ZC3H13: variants seen among roughly 807,000 people sequenced by gnomAD.
The protein encoded by ZC3H13 is zinc finger CCCH domain-containing protein 13.
A neutral mutation model predicts 204.1 loss-of-function variants in ZC3H13; 64 were observed. The ratio of observed to expected loss-of-function variants is 0.31; its 90% CI spans 0.26 to 0.39. The LOEUF is 0.39. Ranked by LOEUF, ZC3H13 falls within the 10% of genes least tolerant of loss-of-function variation. The probability of loss-of-function intolerance (pLI) is 1.00; values close to 1 mark genes in which losing one functional copy is unlikely to be tolerated. For synonymous variants in ZC3H13, 667 were observed against 693.7 expected, an observed-to-expected ratio of 0.96 and a Z score of 0.60; for missense variants, 1,833 against 2,082.7, an observed-to-expected ratio of 0.88 and a Z score of 2.33.
At position 45,975,685 on chromosome 13, in the gene ZC3H13, C is replaced by T. The variant is rs749159735; in HGVS notation, c.2066G>A (p.Arg689Gln). ...RDRERERDRE[R>Q]ERERERERDR... ...CCGTTCACGTTCCCTCTCTCTCTCCCGCTCCCTGTCTCGTTCTCGTTCCCG... is the reference window on the plus strand; with the variant it reads ...CCGTTCACGTTCCCTCTCTCTCTCCTGCTCCCTGTCTCGTTCTCGTTCCCG... The change falls in exon 12 of 19, where the codon CGG (arginine) becomes CAG (glutamine). Residue 689 changes from arginine to glutamine, a missense_variant. Around this residue, in one of 5 missense-constraint regions of ZC3H13, gnomAD observed 1,574 missense variants for 1,757.2 expected, o/e 0.90. Transcript: ENST00000679008. The T allele has an allele frequency of 1.1e-5, 17 of 1,612,446 alleles. No homozygotes were observed. The highest frequency in any genetic ancestry group is 6.7e-5 in the East Asian group (3 of 44,780).
intron 11 of ZC3H13, among the ~76,000 whole-genome samples, chr13:45,978,680 T>C (rs1250980519): frequency 1.3e-5 from 2 of 151,954 alleles, no homozygotes; most frequent in Non-Finnish European, 2.9e-5. Context: ...AATGTTACTA[T>C]TGAATTCAGG....
chr13:46,018,881 G>A (rs1004547295), intron 5 of ZC3H13, among the ~76,000 whole-genome samples: 15 of 152,082 alleles, frequency 9.9e-5, no homozygotes, highest in African/African-American at 3.6e-4. Flanking sequence ...AAGGATGCTT[G>A]GGTGTGTTAA....
intron 10 of ZC3H13, among the ~76,000 whole-genome samples, chr13:45,981,496 A>G (rs1953603208): frequency 6.6e-6 from 1 of 152,088 alleles, no homozygotes; most frequent in South Asian, 2.1e-4. Flanking sequence ...TTGGGTATAT[A>G]CCCAGTAATG....
Position 45,979,950 on chromosome 13 carries a change from T to G in ZC3H13, c.1775A>C (p.Tyr592Ser). 1 of 1,612,530 alleles carries G rather than the reference T, an allele frequency of 6.2e-7. No homozygotes were observed. Among genetic ancestry groups the G allele is most frequent in the Non-Finnish European group, 8.5e-7 (1 of 1,179,190 alleles). Residue 592 changes from tyrosine to serine, a missense_variant, in exon 11 of 19, where the codon TAT becomes TCT. Physicochemically the swap from Tyr to Ser is moderately radical, Grantham distance 144. Coordinates refer to ENST00000679008, the MANE Select transcript of ZC3H13 (RefSeq NM_001330564.2). ...ACTTCGAGTTTCCCAGCTGTCATGA[T>G]AGTTGCTATTACTACTGTGACTATC... ...QIDSHSSNSNYHDSWETRSSY... is the reference protein window; with the variant it reads ...QIDSHSSNSNSHDSWETRSSY...
intron 9 of ZC3H13, among the ~76,000 whole-genome samples, chr13:45,988,536 C>T (rs1311602738): frequency 2.6e-5 from 4 of 152,280 alleles, no homozygotes; most frequent in East Asian, 1.9e-4. Context: ...AGATTACAGG[C>T]GTGAGCCACT....
chr13:45,995,056 C>A (rs778212239), intron 8 of ZC3H13, among the ~76,000 whole-genome samples: 9 of 151,310 alleles, frequency 5.9e-5, no homozygotes, highest in Non-Finnish European at 1.3e-4. Flanking sequence ...CAGACCACAG[C>A]CAGATTAGGA....
chr13:46,004,789 A>C (rs2041013738), intron 7 of ZC3H13, among the ~76,000 whole-genome samples: 2 of 152,228 alleles, frequency 1.3e-5, no homozygotes, highest in Non-Finnish European at 2.9e-5. Context: ...CTGAGGTCAC[A>C]AAGATGGTCT....
intron 4 of ZC3H13, among the ~76,000 whole-genome samples, chr13:46,023,635 G>GA (rs2042356812): frequency 6.6e-6 from 1 of 152,094 alleles, no homozygotes; most frequent in Admixed American, 6.6e-5. Flanking sequence ...TTTTAGCAGA[G>GA]AAAAATGGAG....
At chr13:46,044,277 A>G (rs142070652) in intron 3 of ZC3H13, among the ~76,000 whole-genome samples, 1 of 152,032 alleles carries the variant, frequency 6.6e-6, no homozygotes, top group East Asian at 1.9e-4. Flanking sequence ...TAGGTAAATT[A>G]TTTCTTTACC....
intron 8 of ZC3H13, among the ~76,000 whole-genome samples, chr13:45,990,953 G>A (rs2039928450): frequency 6.6e-6 from 1 of 152,120 alleles, no homozygotes. Context: ...ACAGGCACAT[G>A]CCACCACACT....
intron 2 of ZC3H13, 115 bp from the exon 3 acceptor site, chr13:46,045,179 A>AC (rs2043862537): frequency 5.9e-6 from 6 of 1,024,852 alleles, no homozygotes; most frequent in Non-Finnish European, 5.7e-6. Flanking sequence ...GTGATATATT[A>AC]CTCCCCAAAT....
At position 45,969,865 on chromosome 13, in the gene ZC3H13, A is replaced by G. The variant is rs1468588684; in HGVS notation, c.2679T>C (p.Asp893=). The change falls in exon 14 of 19, where the codon GAT becomes GAC. Residue 893 remains aspartate (D), a synonymous_variant. Transcript: ENST00000679008. ...AACTCTCTTTCCTTTCTGGTTTACGATCCTCCTCTTTCCATCTACCCTGTC... is the reference window on the plus strand; with the variant it reads ...AACTCTCTTTCCTTTCTGGTTTACGGTCCTCCTCTTTCCATCTACCCTGTC... ...EDRQGRWKEE[D]RKPERKESSR... 1.9e-6 allele frequency: 3 copies of G among 1,613,638 alleles called. No individual in the cohort carries two copies. In the African/African-American group the frequency reaches 4.0e-5, roughly 22 times the overall value.
At chr13:46,042,342 T>C in intron 3 of ZC3H13, 67 bp from the exon 4 acceptor site, 3 of 1,004,408 alleles carry the variant, frequency 3.0e-6, no homozygotes, top group Non-Finnish European at 4.4e-6. Context: ...TATTTATATA[T>C]TAATAACATT....
intron 17 of ZC3H13, 131 bp from the exon 18 acceptor site, chr13:45,959,777 A>G: frequency 9.7e-7 from 1 of 1,029,562 alleles, no homozygotes; most frequent in Non-Finnish European, 1.3e-6. Flanking sequence ...ATTTCACATT[A>G]AAGGCAATAT....
chr13:45,988,681 G>A, intron 9 of ZC3H13, 106 bp downstream of exon 9: 1 of 1,262,450 alleles, frequency 7.9e-7, no homozygotes, highest in Non-Finnish European at 1.1e-6. Context: ...TCTAGTCTGT[G>A]TGTTACAGAA....
chr13:45,979,761 A>T, intron 11 of ZC3H13, 52 bp downstream of exon 11: 1 of 1,493,790 alleles, frequency 6.7e-7, no homozygotes, highest in Non-Finnish European at 8.9e-7. Context: ...TTGAAAAAAC[A>T]ATTCGCCCAA....
chr13:46,002,222 A>G (rs1286146442), intron 8 of ZC3H13, among the ~76,000 whole-genome samples: 1 of 152,204 alleles, frequency 6.6e-6, no homozygotes, highest in African/African-American at 2.4e-5. Context: ...CACCTCAATG[A>G]GATAAACACA....
At chr13:46,041,888 G>A (rs12864348) in intron 4 of ZC3H13, among the ~76,000 whole-genome samples, 39 of 152,010 alleles carry the variant, frequency 2.6e-4, no homozygotes, top group South Asian at 1.3e-3. Flanking sequence ...CATGATCCTC[G>A]TCAAGGATCC....
chr13:45,984,254 G>A (rs572812166), intron 10 of ZC3H13, among the ~76,000 whole-genome samples: 2 of 152,306 alleles, frequency 1.3e-5, no homozygotes, highest in Non-Finnish European at 2.9e-5. Flanking sequence ...ATATTTGCTT[G>A]TGTAAAATGT....
Sources: gnomAD v4.1 joint callset for allele counts (sites outside exome capture counted in the v4.1 genomes callset) on GRCh38, gnomAD v4.1.1 for gene constraint, gnomAD v4.1.1 regional missense constraint, MANE v1.5 for transcripts, NCBI Gene and HGNC (gene_info 2026-07-23, HGNC 2026-07-21) for gene names.